FBXL17: variants seen among roughly 807,000 people sequenced by gnomAD.
FBXL17 encodes F-box/LRR-repeat protein 17.
In FBXL17, 22 loss-of-function variants were observed where a neutral mutation model predicts 66.2. That is an observed-to-expected ratio of 0.33 (90% CI 0.24 to 0.47). The LOEUF is 0.47. Among genes scored for constraint, FBXL17 ranks in the 20% least tolerant of loss-of-function variants. The probability of loss-of-function intolerance (pLI) is 1.00; values close to 1 mark genes in which losing one functional copy is unlikely to be tolerated. For synonymous variants in FBXL17, 474 were observed against 400.5 expected (o/e 1.18, Z -2.19); for missense variants, 878 against 948.2 (o/e 0.93, Z 0.97).
intron 6 of FBXL17, among the ~76,000 whole-genome samples, chr5:108,046,686 G>C (rs958779890): frequency 6.6e-6 from 1 of 152,104 alleles, no homozygotes; most frequent in Non-Finnish European, 1.5e-5. Flanking sequence ...TGATCAGGTT[G>C]AGTGAAGTAT....
chr5:108,118,943 G>A (rs538919654), intron 6 of FBXL17, among the ~76,000 whole-genome samples: 3 of 152,184 alleles, frequency 2.0e-5, no homozygotes, highest in Middle Eastern at 3.4e-3. Context: ...CAAATGAGAC[G>A]CCACCTCCTC....
chr5:107,900,174 T>C (rs928939638), intron 7 of FBXL17, among the ~76,000 whole-genome samples: 1 of 152,208 alleles, frequency 6.6e-6, no homozygotes, highest in Non-Finnish European at 1.5e-5. Flanking sequence ...TTTGCTAAAA[T>C]AAGTTTATTA....
chr5:108,342,568 G>A (rs181401472), intron 4 of FBXL17, among the ~76,000 whole-genome samples: 72 of 152,228 alleles, frequency 4.7e-4, no homozygotes, highest in African/African-American at 1.7e-3. Flanking sequence ...TGGTTCAAAC[G>A]TGTGTGGATT....
intron 8 of FBXL17, among the ~76,000 whole-genome samples, chr5:107,862,776 T>C (rs771097119): frequency 1.3e-4 from 20 of 151,796 alleles, no homozygotes; most frequent in African/African-American, 4.1e-4. Context: ...ATGTCCATTA[T>C]TGGAAAAGAT....
chr5:108,202,275 C>G (rs1222127135), intron 5 of FBXL17, among the ~76,000 whole-genome samples: 1 of 152,038 alleles, frequency 6.6e-6, no homozygotes. Context: ...GATACTGATA[C>G]CTATTACCAT....
intron 4 of FBXL17, among the ~76,000 whole-genome samples, chr5:108,238,960 G>C (rs1755730803): frequency 6.6e-6 from 1 of 152,136 alleles, no homozygotes; most frequent in Non-Finnish European, 1.5e-5. Flanking sequence ...CATTTCAGTA[G>C]AGAGCTATAA....
intron 4 of FBXL17, among the ~76,000 whole-genome samples, chr5:108,329,605 T>C (rs1760022130): frequency 6.6e-6 from 1 of 152,154 alleles, no homozygotes; most frequent in African/African-American, 2.4e-5. Context: ...CATAGCTCAA[T>C]GAAATAAGTC....
chr5:108,356,975 C>T (rs1296740376), intron 3 of FBXL17, among the ~76,000 whole-genome samples: 2 of 152,002 alleles, frequency 1.3e-5, no homozygotes, highest in Non-Finnish European at 2.9e-5. Context: ...GAACCCAAAA[C>T]TCCTCTTTTA....
intron 3 of FBXL17, among the ~76,000 whole-genome samples, chr5:108,360,159 C>G (rs1209303378): frequency 6.6e-6 from 1 of 152,176 alleles, no homozygotes; most frequent in South Asian, 2.1e-4. Flanking sequence ...CTTTCAACCT[C>G]TATGTAGTTA....
intron 7 of FBXL17, among the ~76,000 whole-genome samples, chr5:107,942,059 G>T (rs1320974621): frequency 1.3e-5 from 2 of 152,122 alleles, no homozygotes; most frequent in Admixed American, 6.5e-5. Flanking sequence ...ACCATGGGAG[G>T]CCAGGGGCAC....
intron 7 of FBXL17, among the ~76,000 whole-genome samples, chr5:107,954,876 C>T (rs1417419939): frequency 6.6e-6 from 1 of 152,052 alleles, no homozygotes; most frequent in Non-Finnish European, 1.5e-5. Flanking sequence ...GGCTTAAGAA[C>T]TATAGGTTGC....
intron 6 of FBXL17, among the ~76,000 whole-genome samples, chr5:108,062,952 T>C (rs903169683): frequency 1.3e-5 from 2 of 152,156 alleles, no homozygotes; most frequent in African/African-American, 4.8e-5. Flanking sequence ...AATAATACTA[T>C]GAGTATTAGT....
At position 108,241,169 on chromosome 5, in the gene FBXL17, T is replaced by A. The variant is rs553600968; in HGVS notation, c.1507-16941A>T. On this transcript the variant is annotated intron_variant, in intron 4 of 8. Transcript: ENST00000542267. ...AACAAACTAAATAAGGCACCAGTGA[T>A]CAATCCTTGTGAGACAGAGATACGT... is the stretch of plus-strand genomic sequence containing the variant. Among the ~76,000 whole-genome samples the A allele has an allele frequency of 2.4e-4, 37 of 152,300 alleles. 1 individual carries two copies. The South Asian group carries it at 7.1e-3, about 29-fold the overall frequency.
chr5:108,007,260 G>A (rs1176145922), intron 7 of FBXL17, among the ~76,000 whole-genome samples: 3 of 152,166 alleles, frequency 2.0e-5, no homozygotes, highest in Non-Finnish European at 4.4e-5. Context: ...ATGTGTTAGT[G>A]AGAATAACTT....
chr5:108,138,705 T>C (rs897341134), intron 6 of FBXL17, among the ~76,000 whole-genome samples: 4 of 152,186 alleles, frequency 2.6e-5, no homozygotes, highest in African/African-American at 4.8e-5. Context: ...TAGTGTGCAA[T>C]TGGCACTAGG....
chr5:108,051,742 T>G (rs982501193), intron 6 of FBXL17, among the ~76,000 whole-genome samples: 2 of 152,046 alleles, frequency 1.3e-5, no homozygotes, highest in African/African-American at 4.8e-5. Context: ...TTTGGGAGGC[T>G]GAGGTGGGCA....
Position 108,109,771 on chromosome 5 carries a change from T to C in FBXL17, c.1745+76346A>G, listed in dbSNP as rs190980775. Among the ~76,000 whole-genome samples the C allele has an allele frequency of 1.9e-3, 283 of 152,294 alleles. 3 individuals carry two copies. The highest frequency in any genetic ancestry group is 2.0e-3 in the Non-Finnish European group (135 of 68,022). ...TAATTACATTATTGCATTAGCTCAA[T>C]GTAAACAATGTATATCAATACAAGA... On this transcript the variant is annotated intron_variant, in intron 6 of 8. Transcript: ENST00000542267.
intron 7 of FBXL17, among the ~76,000 whole-genome samples, chr5:107,893,476 T>C (rs1222481737): frequency 1.3e-5 from 2 of 152,210 alleles, no homozygotes; most frequent in South Asian, 2.1e-4. Flanking sequence ...GTTCACATGG[T>C]AATATGTTTT....
At chr5:108,038,205 C>T (rs897848327) in intron 6 of FBXL17, among the ~76,000 whole-genome samples, 5 of 151,958 alleles carry the variant, frequency 3.3e-5, no homozygotes, top group Non-Finnish European at 5.9e-5. Flanking sequence ...CTGAAAAGGG[C>T]ATTTTTTGAG....
Sources: gnomAD v4.1 joint callset for allele counts (sites outside exome capture counted in the v4.1 genomes callset) on GRCh38, gnomAD v4.1.1 for gene constraint, MANE v1.5 for transcripts, NCBI Gene and HGNC (gene_info 2026-07-23, HGNC 2026-07-21) for gene names.